FLNA: variants seen among roughly 807,000 people sequenced by gnomAD.
The protein encoded by FLNA is filamin-A.
In FLNA, 7 loss-of-function variants were observed where a neutral mutation model predicts 157.6. The observed-to-expected ratio is 0.04, with a 90% CI of 0.03 to 0.08. The LOEUF (loss-of-function observed/expected upper bound fraction) is 0.08, where lower values mean the gene tolerates loss of function less well. Among genes scored for constraint, FLNA ranks in the 10% least tolerant of loss-of-function variants. FLNA has a pLI of 1.00. For synonymous variants in FLNA, 1,103 were observed against 1,060.8 expected, an observed-to-expected ratio of 1.04 and a Z score of -0.77; for missense variants, 1,750 against 2,398.4, an observed-to-expected ratio of 0.73 and a Z score of 5.65.
At position 154,349,571 on chromosome X, in the gene FLNA, A is replaced by G. The variant is rs782013219; in HGVS notation, c.7553-6T>C. ...GTTGCTGACGAGACGGGGGCCTGCA[A>G]GGCAGAGTGGGTGGGGCTAAGAGGT... On this transcript the variant is annotated splice_region_variant and splice_polypyrimidine_tract_variant and intron_variant, in intron 46 of 47. Coordinates refer to ENST00000369850, the MANE Select transcript of FLNA (RefSeq NM_001110556.2). 6 of 1,211,831 alleles carry G rather than the reference A, an allele frequency of 5.0e-6. No homozygotes were observed. Among genetic ancestry groups the G allele is most frequent in the Non-Finnish European group, 6.7e-6 (6 of 895,114 alleles).
chrX:154,361,243 G>T, intron 21 of FLNA, 65 bp downstream of exon 21: 1 of 1,097,933 alleles, frequency 9.1e-7, no homozygotes, highest in South Asian at 1.8e-5. Context: ...AGAAGATGGG[G>T]TACCTTTGGG....
In FLNA at chrX:154,365,500, G is replaced by A. The variant is rs2148117129; in HGVS notation, c.1430-14C>T. On this transcript the variant is annotated splice_polypyrimidine_tract_variant and intron_variant, in intron 9 of 47. Transcript: ENST00000369850. Reference sequence around the variant, plus strand: ...TCGGGTTACAGGCTGCAGGCAGAGGGGCCAGCTGAGCACCAGCAGCTCGGC... The same window carrying A: ...TCGGGTTACAGGCTGCAGGCAGAGGAGCCAGCTGAGCACCAGCAGCTCGGC... 2.5e-6 allele frequency: 3 copies of A among 1,208,944 alleles called. No homozygotes were observed. Among genetic ancestry groups the A allele is most frequent in the Non-Finnish European group, 3.4e-6 (3 of 894,245 alleles).
In FLNA at chrX:154,361,294, C is replaced by T. The variant is rs200710010; in HGVS notation, c.3207+14G>A. 320 of 1,205,965 alleles carry T rather than the reference C, an allele frequency of 2.7e-4. No homozygotes were observed. The highest frequency in any genetic ancestry group is 1.9e-3 in the Middle Eastern group (8 of 4,295). On this transcript the variant is annotated intron_variant, in intron 21 of 47. Transcript: ENST00000369850. ...AGTGGGTTCTACCCTTAGGGCCTCCCATACCCCAATTACCTTGCTAGGCTT... is the reference window on the plus strand; with the variant it reads ...AGTGGGTTCTACCCTTAGGGCCTCCTATACCCCAATTACCTTGCTAGGCTT...
chrX:154,367,238 C>T (rs782615126), intron 5 of FLNA, among the ~76,000 whole-genome samples, 159 bp downstream of exon 5: 1 of 112,443 alleles, frequency 8.9e-6, no homozygotes, highest in South Asian at 3.7e-4. Context: ...TTGTCGTTTT[C>T]ACTAGTCCCA....
rs1569551790 is a variant in FLNA at position 154,364,906 on chromosome X, G to T, written c.1743C>A (p.Ala581=). The change falls in exon 12 of 48, where the codon GCC becomes GCA. Residue 581 remains alanine, a synonymous_variant. Coordinates refer to ENST00000369850, the MANE Select transcript of FLNA (RefSeq NM_001110556.2). ...GTECGNQKVR[A]WGPGLEGGVV... ...CGCCGCCCTCCAGCCCAGGGCCCCA[G>T]GCCCGTACCTTCTGATTGCCACACT... 8 of 1,211,477 alleles carry T rather than the reference G, an allele frequency of 6.6e-6. No individual in the cohort carries two copies. Among genetic ancestry groups the T allele is most frequent in the Non-Finnish European group, 8.9e-6 (8 of 895,497 alleles).
chrX:154,364,197 G>A (rs1301942405), intron 14 of FLNA, 32 bp from the exon 15 acceptor site: 1 of 1,208,278 alleles, frequency 8.3e-7, no homozygotes, highest in Non-Finnish European at 1.1e-6. Flanking sequence ...GTGGCCTGCT[G>A]GTCAGTGCCC....
Position 154,357,289 on chromosome X carries a change from C to T in FLNA, c.4946-15G>A. 1 of 1,210,546 alleles carries T rather than the reference C, an allele frequency of 8.3e-7. No homozygotes were observed. Among genetic ancestry groups the T allele is most frequent in the Non-Finnish European group, 1.1e-6 (1 of 894,588 alleles). The stretch of plus-strand genomic sequence containing the variant: ...TCCGATTGACACTGAGGTGAGAGGG[C>T]AGAGAGCAAGGAGAAAGGTCAGGTG... On this transcript the variant is annotated splice_polypyrimidine_tract_variant and intron_variant, in intron 29 of 47. Coordinates refer to ENST00000369850, the MANE Select transcript of FLNA (RefSeq NM_001110556.2).
chrX:154,351,675 T>C lies in FLNA; in HGVS notation c.6929A>G (p.Lys2310Arg). The C allele has an allele frequency of 1.7e-6, 2 of 1,205,127 alleles. No homozygotes were observed. Among genetic ancestry groups the C allele is most frequent in the South Asian group, 1.8e-5 (1 of 56,883 alleles). Residue 2310 changes from lysine (K) to arginine (R), a missense_variant, in exon 43 of 48, where the codon AAG becomes AGG. Around this residue, in one of 5 missense-constraint regions of FLNA, gnomAD observed 970 missense variants for 1,302.6 expected, o/e 0.74. Transcript: ENST00000369850. ...GTCGGGAATGTGTTCCTCGTTGAAC[T>C]TGACTGAGACTTCGTAGTCACCTGG... ...QEPGDYEVSV[K>R]FNEEHIPDSP...
At position 154,349,345 on chromosome X, in the gene FLNA, G is replaced by A. The variant is rs782535006; in HGVS notation, c.7756+17C>T. On this transcript the variant is annotated intron_variant, in intron 47 of 47. Coordinates refer to ENST00000369850, the MANE Select transcript of FLNA (RefSeq NM_001110556.2). Reference sequence around the variant, plus strand: ...TCATTTTGGTGGGAAGGTGGGCCGGGGGCCCAGGTTGCCCACCTGCTTTGC... The same window carrying A: ...TCATTTTGGTGGGAAGGTGGGCCGGAGGCCCAGGTTGCCCACCTGCTTTGC... 1 of 1,200,610 alleles carries A rather than the reference G, an allele frequency of 8.3e-7. No homozygotes were observed. Among genetic ancestry groups the A allele is most frequent in the Non-Finnish European group, 1.1e-6 (1 of 885,359 alleles).
chrX:154,365,920 G>A, intron 9 of FLNA, 104 bp downstream of exon 9: 2 of 789,824 alleles, frequency 2.5e-6, no homozygotes, highest in Non-Finnish European at 3.6e-6. Context: ...TCAAAGAGTA[G>A]GGGCCCCGGG....
In FLNA at chrX:154,349,275, C is replaced by T. The variant is rs782197213; in HGVS notation, c.7756+87G>A. On this transcript the variant is annotated intron_variant, in intron 47 of 47. Coordinates refer to ENST00000369850, the MANE Select transcript of FLNA (RefSeq NM_001110556.2). ...AGAAGTGAAAGCCACGCCCCAAAGG[C>T]GGTCCCTGCTCTCCCAGACACTGGC... 1.5e-3 allele frequency: 1,536 copies of T among 1,002,562 alleles called. 25 individuals carry two copies. In the South Asian group the frequency reaches 0.027, roughly 17 times the overall value. The allele number at this position is 1,002,562 out of a possible 1,213,427, so 82.6% of individuals were successfully genotyped here.
rs1557179587 is a variant in FLNA at position 154,367,647 on chromosome X, G to A, written c.714C>T (p.Ile238=). 1 of 1,210,007 alleles carries A rather than the reference G, an allele frequency of 8.3e-7. No individual in the cohort carries two copies. Among genetic ancestry groups the A allele is most frequent in the African/African-American group, 1.7e-5 (1 of 57,489 alleles). The change falls in exon 4 of 48, where the codon ATC becomes ATT. Residue 238 remains isoleucine, a synonymous_variant. Coordinates refer to ENST00000369850, the MANE Select transcript of FLNA (RefSeq NM_001110556.2). ...AMQQADDWLG[I]PQVITPEEIV... ...CCAGGCCGGGCGGGTGTACCTGGGG[G>A]ATGCCCAGCCAGTCATCCGCCTGCT...
At chrX:154,371,459 G>A (rs2067807825) in intron 1 of FLNA, 98 bp from the exon 2 acceptor site, 1 of 425,037 alleles carries the variant, frequency 2.4e-6, no homozygotes, top group Non-Finnish European at 4.0e-6. Context: ...TCGAGGGCGC[G>A]CCTGCCCCAC....
rs191489108 is a variant in FLNA at position 154,368,897 on chromosome X, C to T, written c.374-807G>A. Among the ~76,000 whole-genome samples the T allele has an allele frequency of 7.8e-3, 885 of 112,997 alleles. 13 individuals are homozygous for T. Among genetic ancestry groups the T allele is most frequent in the African/African-American group, 0.027 (840 of 31,184 alleles). ...CTGACCCACTTGCCACCTAACGGGC[C>T]TCTGGGCCTCGGCAGGCTCGCCACA... On this transcript the variant is annotated intron_variant, in intron 2 of 47. Coordinates refer to ENST00000369850, the MANE Select transcript of FLNA (RefSeq NM_001110556.2).
chrX:154,356,532 C>T, intron 30 of FLNA, among the ~76,000 whole-genome samples: 1 of 111,559 alleles, frequency 9.0e-6, no homozygotes, highest in Middle Eastern at 4.6e-3. Context: ...TTTCCTTAGC[C>T]ACCTCGCCCA....
rs1569551810 is a variant in FLNA, at chrX:154,365,377, CCCACTGCCAGCG to C, written c.1527_1538del (p.Ala510_Gly513del). ...GGCCCTTCACGGTGACCTTCAGCTC[CCCACTGCCAGCG>C]CCCTTTGTGTACACCTTGAAGTCAG... On this transcript the variant is annotated inframe_deletion, in exon 10 of 48. Transcript: ENST00000369850. 8.3e-7 allele frequency: 1 copy of C among 1,210,701 alleles called. No individual in the cohort carries two copies. The highest frequency in any genetic ancestry group is 2.2e-5 in the Admixed American group (1 of 45,984).
At position 154,348,823 on chromosome X, in the gene FLNA, G is replaced by T. The variant is rs782810608; in HGVS notation, c.*26C>A. The T allele has an allele frequency of 2.3e-5, 27 of 1,178,140 alleles. No individual in the cohort carries two copies. In the South Asian group the frequency reaches 4.3e-4, roughly 19 times the overall value. ...CTTGGGTAGCGGGGCAGGCTTGGGG[G>T]CTGCCGGCTGGCACGGGCCCCAGAC... is the stretch of plus-strand genomic sequence containing the variant. On this transcript the variant is annotated 3_prime_UTR_variant, in exon 48 of 48. Transcript: ENST00000369850.
chrX:154,358,775 C>T, intron 26 of FLNA: 1 of 589,007 alleles, frequency 1.7e-6, no homozygotes, highest in South Asian at 2.6e-5. Context: ...GCCTTCCTGC[C>T]ACATCTGCTC....
intron 21 of FLNA, among the ~76,000 whole-genome samples, chrX:154,361,076 A>AAAAAAAAGAAAAAAAAAAAAAAG (rs1569551711): frequency 2.2e-5 from 2 of 89,024 alleles, no homozygotes; most frequent in Non-Finnish European, 4.5e-5. Flanking sequence ...AAAAAAAAAA[A>AAAAAAAAGAAAAAAAAAAAAAAG]AAAGAAAGAA....
Sources: gnomAD v4.1 joint callset for allele counts (sites outside exome capture counted in the v4.1 genomes callset) on GRCh38, gnomAD v4.1.1 for gene constraint, gnomAD v4.1.1 regional missense constraint, MANE v1.5 for transcripts, NCBI Gene and HGNC (gene_info 2026-07-23, HGNC 2026-07-21) for gene names.